The following NRXN3 variants were observed in gnomAD, a reference collection of about 807,000 sequenced individuals.
NRXN3 encodes the protein neurexin 3, also known as neurexin III.
Under a neutral mutation model 137.6 loss-of-function variants are expected in NRXN3, and 32 were observed. The observed-to-expected ratio is 0.23, with a 90% CI of 0.18 to 0.31. The LOEUF (loss-of-function observed/expected upper bound fraction) is 0.31, where lower values mean the gene tolerates loss of function less well. Among genes scored for constraint, NRXN3 ranks in the 10% least tolerant of loss-of-function variants. NRXN3 has a pLI of 1.00. For missense variants in NRXN3, 1,574 were observed against 2,062.5 expected (o/e 0.76, Z 4.59); for synonymous variants, 798 against 784.5 (o/e 1.02, Z -0.29).
At chr14:79,139,439 T>C (rs369992404) in intron 15 of NRXN3, among the ~76,000 whole-genome samples, 2 of 152,162 alleles carry the variant, frequency 1.3e-5, no homozygotes, top group African/African-American at 4.8e-5. Flanking sequence ...ACACCATCCA[T>C]ATGAGATTTA....
chr14:79,480,339 G>A (rs1036733130), intron 16 of NRXN3, among the ~76,000 whole-genome samples: 13 of 152,120 alleles, frequency 8.5e-5, no homozygotes, highest in African/African-American at 2.7e-4. Context: ...TGGCTAAACA[G>A]CAAAGCTTAA....
In NRXN3 at chr14:79,163,112, G is replaced by T. The variant is rs180671654; in HGVS notation, c.3262+174971G>T. On this transcript the variant is annotated intron_variant, in intron 15 of 20. Transcript: ENST00000335750. ...TTGGGAGAACTGCTTTTCAAACAGAGAACCTGATAAGTGGTGGACCTTAGG... is the reference window on the plus strand; with the variant it reads ...TTGGGAGAACTGCTTTTCAAACAGATAACCTGATAAGTGGTGGACCTTAGG... Among the ~76,000 whole-genome samples, 5 of 152,040 alleles carry T rather than the reference G, an allele frequency of 3.3e-5. No homozygotes were observed. The East Asian group carries it at 9.7e-4, about 30-fold the overall frequency.
chr14:79,210,267 G>A (rs948138035), intron 15 of NRXN3, among the ~76,000 whole-genome samples: 6 of 152,172 alleles, frequency 3.9e-5, no homozygotes, highest in Admixed American at 2.0e-4. Flanking sequence ...AAGTGCTAAA[G>A]ATTTACAATA....
At chr14:79,545,420 C>T (rs567510879) in intron 16 of NRXN3, among the ~76,000 whole-genome samples, 3 of 152,184 alleles carry the variant, frequency 2.0e-5, no homozygotes, top group South Asian at 2.1e-4. Context: ...CTGCCTTCCT[C>T]GAGGGGCTGT....
intron 4 of NRXN3, among the ~76,000 whole-genome samples, chr14:78,340,992 T>C (rs1399222567): frequency 6.6e-6 from 1 of 152,232 alleles, no homozygotes; most frequent in Non-Finnish European, 1.5e-5. Flanking sequence ...TAAATGTGAA[T>C]TTCAGATAAA....
In NRXN3 at chr14:79,792,696, C is replaced by G. The variant is rs140990271; in HGVS notation, c.4015-12416C>G. Among the ~76,000 whole-genome samples, 164 of 152,266 alleles carry G rather than the reference C, an allele frequency of 1.1e-3. 2 individuals are homozygous for G. The highest frequency in any genetic ancestry group is 1.7e-3 in the African/African-American group (71 of 41,554). Reference sequence around the variant, plus strand: ...ACTCAGCAGAGTTTGTGCTTATTGACTTTCTCTTCCTAGAGGGCCAGGGTG... The same window carrying G: ...ACTCAGCAGAGTTTGTGCTTATTGAGTTTCTCTTCCTAGAGGGCCAGGGTG... On this transcript the variant is annotated intron_variant, in intron 19 of 20. Coordinates refer to ENST00000335750, the MANE Select transcript of NRXN3 (RefSeq NM_001330195.2).
At chr14:78,835,398 T>C (rs2152421251) in intron 10 of NRXN3, among the ~76,000 whole-genome samples, 1 of 152,158 alleles carries the variant, frequency 6.6e-6, no homozygotes, top group East Asian at 1.9e-4. Flanking sequence ...AGAGAAGGAA[T>C]TGGAAGCGAT....
At chr14:79,457,386 T>A (rs889233892) in intron 15 of NRXN3, among the ~76,000 whole-genome samples, 1 of 152,198 alleles carries the variant, frequency 6.6e-6, no homozygotes, top group South Asian at 2.1e-4. Context: ...GAGTGCCTGT[T>A]AGTTATTTTG....
intron 4 of NRXN3, among the ~76,000 whole-genome samples, chr14:78,503,177 T>A (rs1185916116): frequency 1.3e-5 from 2 of 152,194 alleles, no homozygotes; most frequent in Non-Finnish European, 2.9e-5. Flanking sequence ...CCTGGCACAT[T>A]AGCATAATAC....
intron 15 of NRXN3, among the ~76,000 whole-genome samples, chr14:79,188,195 A>T (rs1197311286): frequency 2.0e-5 from 3 of 152,222 alleles, no homozygotes; most frequent in Non-Finnish European, 4.4e-5. Flanking sequence ...ACTTTGGCTG[A>T]TAAATTGAGA....
intron 20 of NRXN3, among the ~76,000 whole-genome samples, chr14:79,824,243 T>C (rs1194001955): frequency 5.9e-5 from 9 of 152,306 alleles, no homozygotes; most frequent in African/African-American, 1.9e-4. Flanking sequence ...GTCCAGAAAA[T>C]TAAATCAGCT....
At chr14:78,837,958 G>C (rs1159321823) in intron 10 of NRXN3, among the ~76,000 whole-genome samples, 1 of 152,078 alleles carries the variant, frequency 6.6e-6, no homozygotes. Context: ...ATGCTAAACA[G>C]AGTTTTCACT....
intron 4 of NRXN3, among the ~76,000 whole-genome samples, chr14:78,535,835 G>T (rs2096530454): frequency 6.6e-6 from 1 of 152,202 alleles, no homozygotes; most frequent in South Asian, 2.1e-4. Context: ...AAATGTCTAT[G>T]TAAGTGCCTA....
At chr14:78,837,995 T>A (rs2152431458) in intron 10 of NRXN3, among the ~76,000 whole-genome samples, 1 of 152,336 alleles carries the variant, frequency 6.6e-6, no homozygotes, top group Non-Finnish European at 1.5e-5. Context: ...CAAATTATTT[T>A]ACCTATAAAT....
At chr14:78,381,743 C>T (rs1432228858) in intron 4 of NRXN3, among the ~76,000 whole-genome samples, 1 of 152,078 alleles carries the variant, frequency 6.6e-6, no homozygotes, top group Non-Finnish European at 1.5e-5. Context: ...GGAATACTTG[C>T]CAGTAATCAA....
Position 79,203,277 on chromosome 14 carries a change from T to C in NRXN3, c.3262+215136T>C, listed in dbSNP as rs548132806. On this transcript the variant is annotated intron_variant, in intron 15 of 20. Coordinates refer to ENST00000335750, the MANE Select transcript of NRXN3 (RefSeq NM_001330195.2). ...TGCTACATATGACATTTTTCATTTG[T>C]TTAGCTTTGCAAAACTTGCCTATTC... is the stretch of plus-strand genomic sequence containing the variant. Among the ~76,000 whole-genome samples, 9 of 152,316 alleles carry C rather than the reference T, an allele frequency of 5.9e-5. No individual in the cohort carries two copies. The South Asian group carries it at 8.3e-4, about 14-fold the overall frequency.
chr14:78,526,188 G>T (rs1459229308), intron 4 of NRXN3, among the ~76,000 whole-genome samples: 1 of 152,296 alleles, frequency 6.6e-6, no homozygotes, highest in East Asian at 1.9e-4. Context: ...TATCATATGG[G>T]ATGTCACACT....
intron 1 of NRXN3, among the ~76,000 whole-genome samples, chr14:78,187,332 G>A (rs1324767356): frequency 1.3e-5 from 2 of 151,700 alleles, no homozygotes; most frequent in African/African-American, 4.8e-5. Context: ...AAAAGCATGA[G>A]CTTTGGGGTC....
rs1038409177 is a variant in NRXN3, at chr14:78,236,593, G to T, written c.-703-5798G>T. On this transcript the variant is annotated intron_variant, in intron 1 of 20. Coordinates refer to ENST00000335750, the MANE Select transcript of NRXN3 (RefSeq NM_001330195.2). ...CATTTCTGTTCGTGTATACCTAAAA[G>T]GGTAATTGTGGAGTCCTGGGGTAAA... Among the ~76,000 whole-genome samples, 3 of 152,190 alleles carry T rather than the reference G, an allele frequency of 2.0e-5. No individual in the cohort carries two copies. The South Asian group carries it at 6.2e-4, about 31-fold the overall frequency.
Sources: gnomAD v4.1 joint callset for allele counts (sites outside exome capture counted in the v4.1 genomes callset) on GRCh38, gnomAD v4.1.1 for gene constraint, MANE v1.5 for transcripts, NCBI Gene and HGNC (gene_info 2026-07-23, HGNC 2026-07-21) for gene names.